The following CNGB1 variants were observed in gnomAD, a reference collection of about 807,000 sequenced individuals.
The protein encoded by CNGB1 is cyclic nucleotide-gated channel beta-1.
CNGB1 carries 126 observed loss-of-function variants against 151.7 expected under a neutral mutation model. The observed-to-expected ratio is 0.83, with a 90% confidence interval of 0.72 to 0.96. The LOEUF (loss-of-function observed/expected upper bound fraction) is 0.96. Ranked by LOEUF, CNGB1 falls within the 40% of genes least tolerant of loss-of-function variation. The pLI is 0.00. For missense variants in CNGB1, 1,698 were observed against 1,627.0 expected (o/e 1.04, Z -0.75); for synonymous variants, 623 against 635.1 (o/e 0.98, Z 0.29).
chr16:57,907,261 G>A (rs1392085055), intron 25 of CNGB1, among the ~76,000 whole-genome samples: 1 of 152,202 alleles, frequency 6.6e-6, no homozygotes, highest in African/African-American at 2.4e-5. Context: ...AGTGACGGAT[G>A]TGCCAGGCTT....
chr16:57,934,027 T>C (rs1407649552), intron 16 of CNGB1, among the ~76,000 whole-genome samples: 2 of 152,070 alleles, frequency 1.3e-5, no homozygotes, highest in South Asian at 2.1e-4. Flanking sequence ...CCAGCCGATA[T>C]GGGGTTTTTT....
intron 17 of CNGB1, among the ~76,000 whole-genome samples, chr16:57,931,152 A>T (rs1293716186): frequency 6.6e-6 from 1 of 151,388 alleles, no homozygotes; most frequent in Non-Finnish European, 1.5e-5. Flanking sequence ...TTTTAAATTT[A>T]AAAAGTTTTT....
chr16:57,956,025 C>T (rs1390223573), intron 12 of CNGB1, among the ~76,000 whole-genome samples: 2 of 152,228 alleles, frequency 1.3e-5, no homozygotes, highest in Non-Finnish European at 2.9e-5. Flanking sequence ...CCCCCATGGC[C>T]ACCCAGCGTC....
intron 31 of CNGB1, among the ~76,000 whole-genome samples, chr16:57,890,619 C>T (rs1183185198): frequency 6.6e-6 from 1 of 152,220 alleles, no homozygotes; most frequent in Non-Finnish European, 1.5e-5. Flanking sequence ...CAGCCTGGAG[C>T]AAGTGACCCA....
At chr16:57,885,557 C>CCTCT (rs1220420237) in intron 32 of CNGB1, among the ~76,000 whole-genome samples, 8 of 97,652 alleles carry the variant, frequency 8.2e-5, no homozygotes, top group African/African-American at 1.2e-4. Context: ...TTCCTTCCTT[C>CCTCT]CTCTCTCTCT....
At chr16:57,920,565 G>C (rs1961004805) in intron 18 of CNGB1, 21 bp from the exon 19 acceptor site, 1 of 1,608,544 alleles carries the variant, frequency 6.2e-7, no homozygotes. Context: ...ATCACCCAAA[G>C]CTGAGCAGGC....
At chr16:57,887,805 C>G (rs745429125) in intron 32 of CNGB1, 50 bp downstream of exon 32, 3 of 1,582,536 alleles carry the variant, frequency 1.9e-6, no homozygotes, top group Admixed American at 1.7e-5. Flanking sequence ...TGGCCTTCTC[C>G]CTGACACATA....
At position 57,920,469 on chromosome 16, in the gene CNGB1, C is replaced by A. The variant is rs1596979864; in HGVS notation, c.1719G>T (p.Lys573Asn). The A allele has an allele frequency of 6.2e-7, 1 of 1,614,196 alleles. No homozygotes were observed. The highest frequency in any genetic ancestry group is 1.1e-5 in the South Asian group (1 of 91,086). ...CTTTCTCTGTCCGCTCCTTGAAGAG[C>A]TTCACCAGCTCCTGGAGCCGGTCGT... ...IINDRLQELV[K>N]LFKERTEKVK... Residue 573 changes from lysine to asparagine, a missense_variant, in exon 19 of 33, where the codon AAG becomes AAT. Coordinates refer to ENST00000251102, the MANE Select transcript of CNGB1 (RefSeq NM_001297.5).
chr16:57,916,803 G>A (rs1227891316), intron 21 of CNGB1, among the ~76,000 whole-genome samples: 2 of 152,146 alleles, frequency 1.3e-5, no homozygotes, highest in African/African-American at 4.8e-5. Flanking sequence ...GTGTGTTTTT[G>A]CAGGACCCCT....
At chr16:57,943,487 T>C (rs968791984) in intron 14 of CNGB1, among the ~76,000 whole-genome samples, 1 of 152,092 alleles carries the variant, frequency 6.6e-6, no homozygotes, top group African/African-American at 2.4e-5. Flanking sequence ...CTGGCCAACA[T>C]TGTGAAACCC....
At chr16:57,947,046 A>G (rs1017509095) in intron 14 of CNGB1, among the ~76,000 whole-genome samples, 5 of 152,208 alleles carry the variant, frequency 3.3e-5, no homozygotes, top group Admixed American at 6.5e-5. Context: ...GTGCTTGTGC[A>G]TATATGAAGC....
chr16:57,919,186 C>G lies in CNGB1; in HGVS notation c.1870G>C (p.Glu624Gln), dbSNP rs373159617. The change falls in exon 20 of 33, where the codon GAG (glutamate) becomes CAG (glutamine). Residue 624 changes from glutamate to glutamine, a missense_variant. Transcript: ENST00000251102. ...KPAEAEPVEEEHYCDMLCCKF... is the reference protein window; with the variant it reads ...KPAEAEPVEEQHYCDMLCCKF... Reference sequence around the variant, plus strand: ...CAGCAGAGCATGTCGCAATAGTGCTCCTCTTCCACTGGCTCGGCTTCAGCG... The same window carrying G: ...CAGCAGAGCATGTCGCAATAGTGCTGCTCTTCCACTGGCTCGGCTTCAGCG... The G allele has an allele frequency of 5.1e-5, 83 of 1,614,094 alleles. No individual in the cohort carries two copies. Among genetic ancestry groups the G allele is most frequent in the Non-Finnish European group, 9.3e-6 (11 of 1,180,052 alleles).
chr16:57,912,911 C>T lies in CNGB1; in HGVS notation c.2369+19G>A, dbSNP rs762988932. On this transcript the variant is annotated intron_variant, in intron 24 of 32. Transcript: ENST00000251102. ...TGTCATGTGTGTGTGCATGCATGCA[C>T]ATGCAGGGGGAGTCTCACCTGTACA... is the stretch of plus-strand genomic sequence containing the variant. The T allele has an allele frequency of 1.9e-6, 3 of 1,613,142 alleles. No homozygotes were observed. The highest frequency in any genetic ancestry group is 2.5e-6 in the Non-Finnish European group (3 of 1,179,262).
chr16:57,908,917 C>T (rs946579674), intron 25 of CNGB1, among the ~76,000 whole-genome samples: 5 of 152,234 alleles, frequency 3.3e-5, no homozygotes, highest in African/African-American at 1.2e-4. Flanking sequence ...CTGAGCCCTC[C>T]CTCTGCTCAC....
chr16:57,921,470 C>T (rs1961034358), intron 18 of CNGB1, among the ~76,000 whole-genome samples: 1 of 152,142 alleles, frequency 6.6e-6, no homozygotes, highest in African/African-American at 2.4e-5. Context: ...GATCCACCTG[C>T]TTCGGCCTCT....
intron 31 of CNGB1, among the ~76,000 whole-genome samples, chr16:57,889,358 G>C (rs1960024880): frequency 6.6e-6 from 1 of 152,138 alleles, no homozygotes; most frequent in African/African-American, 2.4e-5. Flanking sequence ...AGGCCCACAT[G>C]GCAAGGACCT....
Position 57,884,266 on chromosome 16 carries a change from G to A in CNGB1, c.3654C>T (p.Pro1218=), listed in dbSNP as rs771439069. The A allele has an allele frequency of 4.3e-6, 7 of 1,613,664 alleles. No homozygotes were observed. In the Admixed American group the frequency reaches 8.3e-5, roughly 19 times the overall value. The stretch of plus-strand genomic sequence containing the variant: ...TGCAGATCCTCACCGAGTGCTCTTC[G>A]GGCTCGGCCGGCCCCTCCTCCTCTC... ...PEGEEEGPAE[P]EEHSVRICMS... is the part of the protein sequence containing the mutation. The change falls in exon 33 of 33, where the codon CCC becomes CCT. Residue 1218 remains proline, a synonymous_variant. Coordinates refer to ENST00000251102, the MANE Select transcript of CNGB1 (RefSeq NM_001297.5).
At chr16:57,924,515 C>A (rs1259798564) in intron 17 of CNGB1, among the ~76,000 whole-genome samples, 1 of 152,222 alleles carries the variant, frequency 6.6e-6, no homozygotes, top group African/African-American at 2.4e-5. Context: ...ATTTAAAACA[C>A]AGAAGGCTGA....
chr16:57,903,764 G>A (rs1960454253), intron 27 of CNGB1, 58 bp downstream of exon 27: 2 of 1,601,508 alleles, frequency 1.2e-6, no homozygotes, highest in Middle Eastern at 1.9e-4. Context: ...ATGGCACCGG[G>A]CACCAGGCGA....
Sources: allele counts gnomAD v4.1 joint callset (sites outside exome capture counted in the v4.1 genomes callset), GRCh38; gene constraint gnomAD v4.1.1; transcripts MANE v1.5; gene names NCBI Gene and HGNC (gene_info 2026-07-23, HGNC 2026-07-21).